The following TTC12 variants were observed in gnomAD, a reference collection of about 807,000 sequenced individuals.
TTC12 encodes tetratricopeptide repeat domain 12.
A neutral mutation model predicts 90.1 loss-of-function variants in TTC12; 70 were observed. That is an observed-to-expected ratio of 0.78 (90% CI 0.64 to 0.95). TTC12 has a LOEUF of 0.95. Ranked by LOEUF, TTC12 falls within the 40% of genes least tolerant of loss-of-function variation. TTC12 has a pLI of 0.00. For synonymous variants in TTC12, 296 were observed against 311.5 expected (o/e 0.95, Z 0.53); for missense variants, 819 against 846.1 (o/e 0.97, Z 0.40).
intron 11 of TTC12, among the ~76,000 whole-genome samples, chr11:113,341,425 T>G (rs75152031): frequency 0.014 from 2,168 of 152,336 alleles, 47 homozygotes; most frequent in African/African-American, 0.047. Context: ...CAATCCCATT[T>G]ATAATTTCAT....
intron 2 of TTC12, among the ~76,000 whole-genome samples, chr11:113,317,263 C>T (rs1450587235): frequency 1.3e-5 from 2 of 152,120 alleles, no homozygotes; most frequent in Admixed American, 1.3e-4. Context: ...CACAAATAAA[C>T]TTAAATGTGT....
At chr11:113,370,420 C>T (rs1591239485), downstream of TTC12, among the ~76,000 whole-genome samples, 1 of 152,332 alleles carries the variant, frequency 6.6e-6, no homozygotes, top group East Asian at 1.9e-4. Flanking sequence ...ATCCAGTTGC[C>T]CACCACCTCC....
Position 113,341,842 on chromosome 11 carries a change from T to A in TTC12, c.902T>A (p.Phe301Tyr). 6.2e-7 allele frequency: 1 copy of A among 1,613,676 alleles called. No individual in the cohort carries two copies. Among genetic ancestry groups the A allele is most frequent in the African/African-American group, 1.3e-5 (1 of 75,046 alleles). The stretch of plus-strand genomic sequence containing the variant: ...CTCTCCTTTGTCCATTCTAGGTGTT[T>A]TTCCACAGCAGGAAATGATGCAGTT... ...ISDNEVIRRC[F>Y]STAGNDAVEE... The change falls in exon 12 of 22, where the codon TTT (phenylalanine) becomes TAT (tyrosine). Residue 301 changes from phenylalanine to tyrosine, a missense_variant. Transcript: ENST00000529221.
At chr11:113,340,538 C>G in intron 10 of TTC12, 126 bp from the exon 11 acceptor site, 1 of 704,536 alleles carries the variant, frequency 1.4e-6, no homozygotes, top group Non-Finnish European at 2.6e-6. Flanking sequence ...TTGTTCCTGC[C>G]AAACCATTCA....
At chr11:113,319,167 C>T (rs1213222831) in intron 2 of TTC12, among the ~76,000 whole-genome samples, 1 of 152,156 alleles carries the variant, frequency 6.6e-6, no homozygotes, top group African/African-American at 2.4e-5. Context: ...CATAATGTGC[C>T]ATGGTCTTTT....
rs1565595453 is a variant in TTC12, at chr11:113,339,276, G to A, written c.638-10G>A. 6.3e-7 allele frequency: 1 copy of A among 1,586,808 alleles called. No individual in the cohort carries two copies. The highest frequency in any genetic ancestry group is 8.6e-7 in the Non-Finnish European group (1 of 1,168,952). On this transcript the variant is annotated splice_polypyrimidine_tract_variant and intron_variant, in intron 9 of 21. Transcript: ENST00000529221. ...GGGTTTTGTTTTGCTTTCCTTTCTT[G>A]TTTTTCTAGGTTACCTGAATCAAGT...
chr11:113,320,753 A>G (rs1362360310), intron 2 of TTC12, among the ~76,000 whole-genome samples: 3 of 152,214 alleles, frequency 2.0e-5, no homozygotes, highest in Admixed American at 6.5e-5. Context: ...CACGTGCCCA[A>G]CTGGGCTCCT....
Position 113,320,424 on chromosome 11 carries a change from C to A in TTC12, c.59-2864C>A, listed in dbSNP as rs118072405. On this transcript the variant is annotated intron_variant, in intron 2 of 21. Transcript: ENST00000529221. ...GAAAAGAGGAGGAATGTCTGAACGC[C>A]GAGAGGAGTTTGGCTGGGAGCAGCC... Among the ~76,000 whole-genome samples the A allele has an allele frequency of 8.4e-3, 1,280 of 152,150 alleles. 14 individuals are homozygous for A. Among genetic ancestry groups the A allele is most frequent in the African/African-American group, 0.029 (1,187 of 41,494 alleles).
chr11:113,348,598 C>T (rs1312289848), intron 13 of TTC12, among the ~76,000 whole-genome samples: 9 of 152,216 alleles, frequency 5.9e-5, no homozygotes, highest in African/African-American at 1.9e-4. Context: ...CACATCTGTT[C>T]TGCTATTTTC....
At chr11:113,364,445 G>C (rs1328028364) in intron 20 of TTC12, 1 of 275,786 alleles carries the variant, frequency 3.6e-6, no homozygotes, top group African/African-American at 2.2e-5. Context: ...CCTGGATCCT[G>C]TTGCATACCC....
At position 113,314,660 on chromosome 11, in the gene TTC12, G is replaced by C. The variant is rs151191578; in HGVS notation, c.-16+42G>C. On this transcript the variant is annotated intron_variant, in intron 1 of 21. Coordinates refer to ENST00000529221, the MANE Select transcript of TTC12 (RefSeq NM_017868.4). ...ACCCCGGAATCCCCCCTGGGAGCTGGTCCTGCACTGGCCTTCAGAGCCGAG... is the reference window on the plus strand; with the variant it reads ...ACCCCGGAATCCCCCCTGGGAGCTGCTCCTGCACTGGCCTTCAGAGCCGAG... 900 of 153,242 alleles carry C rather than the reference G, an allele frequency of 5.9e-3. 7 individuals carry two copies. Among genetic ancestry groups the C allele is most frequent in the Non-Finnish European group, 9.5e-3 (656 of 68,808 alleles). 9.5% of individuals were successfully genotyped at this position (153,242 alleles called of 1,614,324 possible).
At chr11:113,327,094 T>A (rs1287461608) in intron 6 of TTC12, among the ~76,000 whole-genome samples, 1 of 152,246 alleles carries the variant, frequency 6.6e-6, no homozygotes, top group Non-Finnish European at 1.5e-5. Flanking sequence ...ATTGAATTGC[T>A]TTAAAAAAGT....
At chr11:113,364,004 C>T (rs1386484760) in intron 20 of TTC12, 77 bp downstream of exon 20, 4 of 957,738 alleles carry the variant, frequency 4.2e-6, no homozygotes, top group African/African-American at 1.6e-5. Flanking sequence ...GAACTGTGGT[C>T]GAGGAGGAAC....
chr11:113,316,660 C>G (rs1309513222), intron 2 of TTC12, among the ~76,000 whole-genome samples: 2 of 152,224 alleles, frequency 1.3e-5, no homozygotes, highest in East Asian at 1.9e-4. Context: ...CCTCATTGAT[C>G]AGTGTGAGAT....
chr11:113,346,244 T>C (rs1207432590), intron 13 of TTC12, among the ~76,000 whole-genome samples: 4 of 152,060 alleles, frequency 2.6e-5, no homozygotes, highest in Admixed American at 6.5e-5. Context: ...ATGTCTCTGC[T>C]TGTGTGACCC....
At position 113,316,772 on chromosome 11, in the gene TTC12, T is replaced by A. The variant is rs147302247; in HGVS notation, c.58+457T>A. 2.7e-3 allele frequency among the ~76,000 whole-genome samples: 409 copies of A among 152,346 alleles called. 2 individuals are homozygous for A. The highest frequency in any genetic ancestry group is 0.01 in the Middle Eastern group (3 of 294). On this transcript the variant is annotated intron_variant, in intron 2 of 21. Transcript: ENST00000529221. ...ATCAAATTACATGGATGGTTTATGA[T>A]CATCATTCCCTTCTCTCTCTCTAGA...
chr11:113,366,571 C>G (rs1378293491), downstream of TTC12, among the ~76,000 whole-genome samples: 2 of 152,216 alleles, frequency 1.3e-5, no homozygotes, highest in African/African-American at 2.4e-5. Flanking sequence ...CACAAAAAGC[C>G]ACATTGCCCA....
intron 19 of TTC12, among the ~76,000 whole-genome samples, 153 bp downstream of exon 19, chr11:113,362,655 C>T (rs1465117128): frequency 6.6e-6 from 1 of 152,186 alleles, no homozygotes; most frequent in Non-Finnish European, 1.5e-5. Context: ...TTGCTTCTGC[C>T]TGTCTACCCA....
At chr11:113,368,131 T>G, downstream of TTC12, 1 of 1,299,246 alleles carries the variant, frequency 7.7e-7, no homozygotes, top group Non-Finnish European at 1.0e-6. Flanking sequence ...ATAGGTGTAT[T>G]CTCTTCCCCA....
Sources: allele counts gnomAD v4.1 joint callset (sites outside exome capture counted in the v4.1 genomes callset), GRCh38; gene constraint gnomAD v4.1.1; transcripts MANE v1.5; gene names NCBI Gene and HGNC (gene_info 2026-07-23, HGNC 2026-07-21).